The following GLRA3 variants were observed in gnomAD, a reference collection of about 807,000 sequenced individuals.
The protein encoded by GLRA3 is glycine receptor alpha 3.
Under a neutral mutation model 60.4 loss-of-function variants are expected in GLRA3, and 44 were observed. The ratio of observed to expected loss-of-function variants is 0.73; its 90% confidence interval spans 0.57 to 0.94. GLRA3 has a LOEUF of 0.94. Ranked by LOEUF, GLRA3 falls within the 40% of genes least tolerant of loss-of-function variation. The pLI, the probability that GLRA3 is intolerant of heterozygous loss-of-function variation, is 0.00. For synonymous variants in GLRA3, 223 were observed against 192.9 expected, an observed-to-expected ratio of 1.16 and a Z score of -1.29; for missense variants, 508 against 564.6, an observed-to-expected ratio of 0.90 and a Z score of 1.02.
intron 3 of GLRA3, among the ~76,000 whole-genome samples, chr4:174,747,678 A>G (rs1485936): frequency 0.23 from 34,769 of 151,950 alleles, 4,179 homozygotes; most frequent in Non-Finnish European, 0.28. Flanking sequence ...TTAGATATTG[A>G]GCTTAAGGCA....
Position 174,691,553 on chromosome 4 carries a change from G to A in GLRA3, c.575-8614C>T, listed in dbSNP as rs372283755. On this transcript the variant is annotated intron_variant, in intron 5 of 9. Coordinates refer to ENST00000274093, the MANE Select transcript of GLRA3 (RefSeq NM_006529.4). ...TGCAGGCGCGCGCGCCGCCACGCCT[G>A]ACTGGTTTTCGTATTTTTTTGGTGG... 3.9e-4 allele frequency among the ~76,000 whole-genome samples: 59 copies of A among 152,312 alleles called. 4 individuals are homozygous for A. Among genetic ancestry groups the A allele is most frequent in the Admixed American group, 2.7e-3 (41 of 15,312 alleles).
intron 7 of GLRA3, among the ~76,000 whole-genome samples, chr4:174,675,427 A>G (rs1008383065): frequency 6.6e-6 from 1 of 151,878 alleles, no homozygotes; most frequent in Non-Finnish European, 1.5e-5. Context: ...CCCCAATTCT[A>G]CCTTACTCTC....
chr4:174,660,358 T>A lies in GLRA3; in HGVS notation c.928-1161A>T, dbSNP rs1046070723. Among the ~76,000 whole-genome samples the A allele has an allele frequency of 2.0e-5, 3 of 152,318 alleles. No homozygotes were observed. The South Asian group carries it at 6.2e-4, about 32-fold the overall frequency. On this transcript the variant is annotated intron_variant, in intron 7 of 9. Coordinates refer to ENST00000274093, the MANE Select transcript of GLRA3 (RefSeq NM_006529.4). ...TGGGACATTATCTGTCTCTCCTTGC[T>A]TTTTTGTGGCATTGTTACTTTTGAT...
chr4:174,788,574 A>C lies in GLRA3; in HGVS notation c.199+242T>G, dbSNP rs560125857. Reference sequence around the variant, plus strand: ...ATCAATGGTCAAGACAAGAAGTATTATAACAGTTAGAGAAGTAAAAAAAAA... The same window carrying C: ...ATCAATGGTCAAGACAAGAAGTATTCTAACAGTTAGAGAAGTAAAAAAAAA... On this transcript the variant is annotated intron_variant, in intron 2 of 9. Transcript: ENST00000274093. Among the ~76,000 whole-genome samples, 3 of 146,138 alleles carry C rather than the reference A, an allele frequency of 2.1e-5. No homozygotes were observed. In the East Asian group the frequency reaches 6.0e-4, roughly 29 times the overall value.
chr4:174,802,524 C>T (rs1579632740), intron 1 of GLRA3, among the ~76,000 whole-genome samples: 1 of 152,046 alleles, frequency 6.6e-6, no homozygotes, highest in East Asian at 1.9e-4. Context: ...TAGTTACATT[C>T]CTTCCCTATT....
At position 174,797,551 on chromosome 4, in the gene GLRA3, A is replaced by G. The variant is rs181921939; in HGVS notation, c.72-8608T>C. On this transcript the variant is annotated intron_variant, in intron 1 of 9. Coordinates refer to ENST00000274093, the MANE Select transcript of GLRA3 (RefSeq NM_006529.4). The stretch of plus-strand genomic sequence containing the variant: ...ATAAAGACATGCTACTTGAAAGTTC[A>G]GAAACTTTAATTTCATAAATGTTGG... Among the ~76,000 whole-genome samples the G allele has an allele frequency of 2.0e-5, 3 of 152,342 alleles. No homozygotes were observed. The East Asian group carries it at 5.8e-4, about 29-fold the overall frequency.
chr4:174,759,278 T>C (rs914461622), intron 3 of GLRA3, among the ~76,000 whole-genome samples: 3 of 152,040 alleles, frequency 2.0e-5, no homozygotes, highest in Admixed American at 1.3e-4. Flanking sequence ...TTTTGGGCAA[T>C]GTAAAAAATA....
intron 2 of GLRA3, among the ~76,000 whole-genome samples, chr4:174,774,575 C>G (rs1323521599): frequency 1.3e-5 from 2 of 152,058 alleles, no homozygotes; most frequent in Non-Finnish European, 2.9e-5. Context: ...AATGCACTAC[C>G]TAATTTGAAT....
chr4:174,690,700 T>C (rs867834986), intron 5 of GLRA3, among the ~76,000 whole-genome samples: 1 of 152,140 alleles, frequency 6.6e-6, no homozygotes, highest in South Asian at 2.1e-4. Context: ...TGTTGTTCCC[T>C]TCTTTGTGTT....
intron 6 of GLRA3, among the ~76,000 whole-genome samples, chr4:174,678,432 T>G (rs1259091327): frequency 6.6e-6 from 1 of 152,214 alleles, no homozygotes; most frequent in Non-Finnish European, 1.5e-5. Context: ...AAGTTAACAT[T>G]CTGCTCTTTA....
chr4:174,688,988 T>G (rs1197393084), intron 5 of GLRA3, among the ~76,000 whole-genome samples: 1 of 152,092 alleles, frequency 6.6e-6, no homozygotes, highest in Non-Finnish European at 1.5e-5. Flanking sequence ...GATCATAGGA[T>G]TTTAAGGTGA....
At chr4:174,792,765 T>G (rs1015631793) in intron 1 of GLRA3, among the ~76,000 whole-genome samples, 15 of 152,114 alleles carry the variant, frequency 9.9e-5, no homozygotes, top group African/African-American at 3.6e-4. Flanking sequence ...CCAAGTTAGG[T>G]CACAGAAAAA....
intron 3 of GLRA3, among the ~76,000 whole-genome samples, chr4:174,748,363 C>A (rs2111188923): frequency 6.6e-6 from 1 of 152,090 alleles, no homozygotes; most frequent in Non-Finnish European, 1.5e-5. Flanking sequence ...TGGTGAAAAA[C>A]CAGGAATTGA....
At chr4:174,666,134 C>G (rs557484819) in intron 7 of GLRA3, among the ~76,000 whole-genome samples, 1 of 152,242 alleles carries the variant, frequency 6.6e-6, no homozygotes, top group Non-Finnish European at 1.5e-5. Context: ...TAAGATACTA[C>G]TGCAAATCAA....
chr4:174,690,370 T>C (rs1213254781), intron 5 of GLRA3, among the ~76,000 whole-genome samples: 1 of 152,350 alleles, frequency 6.6e-6, no homozygotes, highest in Non-Finnish European at 1.5e-5. Flanking sequence ...CAATAATGTA[T>C]TTAAATAACC....
intron 3 of GLRA3, among the ~76,000 whole-genome samples, chr4:174,737,013 T>C (rs1478503926): frequency 6.6e-6 from 1 of 152,250 alleles, no homozygotes; most frequent in Non-Finnish European, 1.5e-5. Flanking sequence ...CAGCTTCATC[T>C]TGCATACAAG....
chr4:174,642,342 A>T lies in GLRA3; in HGVS notation c.*1444T>A. On this transcript the variant is annotated 3_prime_UTR_variant, in exon 10 of 10. Transcript: ENST00000274093. ...GAGTTCATTGTTTTCTTAATCTTTA[A>T]AGTTTTCTCTGTGAATAATTTGGTG... is the stretch of plus-strand genomic sequence containing the variant. 1.0e-6 allele frequency: 1 copy of T among 976,466 alleles called. No individual in the cohort carries two copies. Among genetic ancestry groups the T allele is most frequent in the Non-Finnish European group, 1.2e-6 (1 of 822,030 alleles). The allele number at this position is 976,466 out of a possible 1,614,324, so 60.5% of individuals were successfully genotyped here.
At chr4:174,758,259 G>T (rs1391858402) in intron 3 of GLRA3, among the ~76,000 whole-genome samples, 1 of 152,046 alleles carries the variant, frequency 6.6e-6, no homozygotes, top group Non-Finnish European at 1.5e-5. Context: ...ACTTTACAAT[G>T]GAAAAATCAG....
chr4:174,804,674 G>A (rs1739961107), intron 1 of GLRA3, among the ~76,000 whole-genome samples: 1 of 152,152 alleles, frequency 6.6e-6, no homozygotes, highest in South Asian at 2.1e-4. Context: ...ACCAGAATGA[G>A]GTTAAGAGTG....
Sources: gnomAD v4.1 joint callset for allele counts (sites outside exome capture counted in the v4.1 genomes callset) on GRCh38, gnomAD v4.1.1 for gene constraint, MANE v1.5 for transcripts, NCBI Gene and HGNC (gene_info 2026-07-23, HGNC 2026-07-21) for gene names.